Variants in HSD17B4 observed in about 807,000 individuals in gnomAD.
HSD17B4 encodes the protein peroxisomal multifunctional enzyme type 2.
Under a neutral mutation model 101.0 loss-of-function variants are expected in HSD17B4, and 70 were observed. The ratio of observed to expected loss-of-function variants is 0.69; its 90% CI spans 0.57 to 0.85. The LOEUF is 0.85. Ranked by LOEUF, HSD17B4 falls within the 40% of genes least tolerant of loss-of-function variation. The pLI, the probability that HSD17B4 is intolerant of heterozygous loss-of-function variation, is 0.00. For synonymous variants in HSD17B4, 347 were observed against 297.1 expected (o/e 1.17, Z -1.73); for missense variants, 984 against 892.4 (o/e 1.10, Z -1.31).
intron 1 of HSD17B4, among the ~76,000 whole-genome samples, chr5:119,453,741 A>T (rs1754315403): frequency 6.6e-6 from 1 of 152,236 alleles, no homozygotes; most frequent in Non-Finnish European, 1.5e-5. Flanking sequence ...CAAGTATTTT[A>T]TACCCATAGC....
intron 13 of HSD17B4, among the ~76,000 whole-genome samples, chr5:119,501,585 C>T (rs138485389): frequency 1.3e-5 from 2 of 152,154 alleles, no homozygotes; most frequent in East Asian, 3.9e-4. Flanking sequence ...TCATTTTGAA[C>T]ATGGTTGTAA....
chr5:119,496,450 T>C lies in HSD17B4; in HGVS notation c.869-93T>C, dbSNP rs371474696. The C allele has an allele frequency of 3.7e-5, 29 of 777,824 alleles. No homozygotes were observed. The East Asian group carries it at 7.3e-4, about 19-fold the overall frequency. 48.2% of individuals were successfully genotyped at this position (777,824 alleles called of 1,614,324 possible). A position where few individuals can be genotyped will look rare whatever the true frequency, so the allele number is the denominator to read the frequency against. On this transcript the variant is annotated intron_variant, in intron 11 of 23. Transcript: ENST00000510025. ...GAGGCTCTGTAGCAGGTTTGCTGAA[T>C]GTTATAGGAATAATTATGTAGCATA... is the stretch of plus-strand genomic sequence containing the variant.
At chr5:119,458,898 A>G (rs1398536704) in intron 2 of HSD17B4, among the ~76,000 whole-genome samples, 1 of 152,244 alleles carries the variant, frequency 6.6e-6, no homozygotes, top group Non-Finnish European at 1.5e-5. Flanking sequence ...GGTGAGCTAT[A>G]TCTAGTTCTC....
intron 15 of HSD17B4, among the ~76,000 whole-genome samples, chr5:119,507,555 G>A (rs1018992530): frequency 2.6e-5 from 4 of 151,954 alleles, no homozygotes; most frequent in Non-Finnish European, 4.4e-5. Flanking sequence ...AGGCTGAGGC[G>A]GGCGGATCAT....
In HSD17B4 at chr5:119,527,070, T is replaced by C. The variant is rs1753666251; in HGVS notation, c.1681-63T>C. ...CTCTCTAGTTTCCTTTCCAATTTTT[T>C]CCTCCTACAAGTAAAAGAGTTTCCT... On this transcript the variant is annotated intron_variant, in intron 19 of 23. Transcript: ENST00000510025. The C allele has an allele frequency of 2.9e-5, 28 of 955,022 alleles. 2 individuals are homozygous for C. The South Asian group carries it at 3.7e-4, about 13-fold the overall frequency. 59.2% of individuals were successfully genotyped at this position (955,022 alleles called of 1,614,324 possible).
At chr5:119,466,526 T>G (rs257977) in intron 2 of HSD17B4, among the ~76,000 whole-genome samples, 9,738 of 152,252 alleles carry the variant, frequency 0.064, 314 homozygotes, top group Middle Eastern at 0.1. Flanking sequence ...TTCTTCTGAG[T>G]TGAATCTTGG....
chr5:119,496,732 T>C (rs1332394896), intron 12 of HSD17B4, 86 bp downstream of exon 12: 3 of 804,646 alleles, frequency 3.7e-6, no homozygotes. Context: ...CTCCCCTACT[T>C]CTTTCTCTTT....
At chr5:119,526,717 A>G (rs1469542823) in intron 19 of HSD17B4, among the ~76,000 whole-genome samples, 1 of 151,950 alleles carries the variant, frequency 6.6e-6, no homozygotes, top group Non-Finnish European at 1.5e-5. Context: ...CACAGAGAAA[A>G]TAATATAAAA....
intron 20 of HSD17B4, among the ~76,000 whole-genome samples, chr5:119,529,520 C>G (rs1003480381): frequency 2.6e-5 from 4 of 152,084 alleles, no homozygotes; most frequent in African/African-American, 9.7e-5. Context: ...GGACTGAATT[C>G]TGTTTATAAG....
At chr5:119,470,467 A>G (rs1196051730) in intron 2 of HSD17B4, among the ~76,000 whole-genome samples, 1 of 152,098 alleles carries the variant, frequency 6.6e-6, no homozygotes, top group East Asian at 1.9e-4. Flanking sequence ...TCTTTTCAGG[A>G]GCAATTCAGC....
intron 13 of HSD17B4, 135 bp downstream of exon 13, chr5:119,499,688 A>G (rs1204540570): frequency 8.5e-6 from 4 of 472,260 alleles, no homozygotes; most frequent in South Asian, 4.3e-5. Flanking sequence ...TTAGTTTAGC[A>G]TATCTTTTGA....
chr5:119,477,410 G>A lies in HSD17B4; in HGVS notation c.350-7G>A, dbSNP rs1288904576. The A allele has an allele frequency of 1.3e-6, 2 of 1,581,198 alleles. No individual in the cohort carries two copies. Among genetic ancestry groups the A allele is most frequent in the African/African-American group, 1.3e-5 (1 of 74,350 alleles). On this transcript the variant is annotated splice_polypyrimidine_tract_variant and splice_region_variant and intron_variant, in intron 6 of 23. Coordinates refer to ENST00000510025, the MANE Select transcript of HSD17B4 (RefSeq NM_000414.4). The stretch of plus-strand genomic sequence containing the variant: ...AAATATTTAATAAAAATAATTTATT[G>A]TTTTAGATATAATCCACAGAGTTCA...
At chr5:119,505,105 C>T (rs1342377952) in intron 14 of HSD17B4, among the ~76,000 whole-genome samples, 1 of 151,546 alleles carries the variant, frequency 6.6e-6, no homozygotes, top group African/African-American at 2.4e-5. Context: ...TTCCATTGGT[C>T]TTTTCTTGTA....
intron 23 of HSD17B4, among the ~76,000 whole-genome samples, chr5:119,537,996 C>T (rs1754672576): frequency 6.6e-6 from 1 of 152,242 alleles, no homozygotes; most frequent in South Asian, 2.1e-4. Flanking sequence ...AAGGAAACAA[C>T]TAATACAAAG....
At chr5:119,539,438 T>TGGGGGAGG in intron 23 of HSD17B4, among the ~76,000 whole-genome samples, 1 of 36,392 alleles carries the variant, frequency 2.7e-5, no homozygotes, top group East Asian at 9.5e-4. Flanking sequence ...GTCATGGGGT[T>TGGGGGAGG]GGGGGAGGGG....
intron 11 of HSD17B4, among the ~76,000 whole-genome samples, chr5:119,494,342 T>C (rs972054411): frequency 4.2e-5 from 6 of 142,678 alleles, no homozygotes; most frequent in Admixed American, 3.5e-4. Flanking sequence ...TCTTTCTTTC[T>C]TTCTTTCTTT....
rs542804965 is a variant in HSD17B4, at chr5:119,457,709, A to G, written c.112+1341A>G. 1.2e-4 allele frequency among the ~76,000 whole-genome samples: 18 copies of G among 152,156 alleles called. No individual in the cohort carries two copies. In the South Asian group the frequency reaches 3.5e-3, roughly 30 times the overall value. ...ATTTAGTTCTTAATATTTTTACCTT[A>G]TATGTTTTTATTTATTTACATCTTT... On this transcript the variant is annotated intron_variant, in intron 2 of 23. Coordinates refer to ENST00000510025, the MANE Select transcript of HSD17B4 (RefSeq NM_000414.4).
At chr5:119,492,150 G>A in intron 10 of HSD17B4, 26 bp downstream of exon 10, 2 of 1,575,448 alleles carry the variant, frequency 1.3e-6, no homozygotes, top group Non-Finnish European at 1.7e-6. Context: ...TTTTTGGTTT[G>A]TATAGATTAT....
intron 23 of HSD17B4, among the ~76,000 whole-genome samples, chr5:119,536,808 A>G (rs998098428): frequency 3.3e-5 from 5 of 152,130 alleles, no homozygotes; most frequent in Admixed American, 6.6e-5. Context: ...GTGAAAAACC[A>G]TATGACATTA....
Sources: allele counts gnomAD v4.1 joint callset (sites outside exome capture counted in the v4.1 genomes callset), GRCh38; gene constraint gnomAD v4.1.1; transcripts MANE v1.5; gene names NCBI Gene and HGNC (gene_info 2026-07-23, HGNC 2026-07-21).